The following SLCO6A1 variants were observed in gnomAD, a reference collection of about 807,000 sequenced individuals.
SLCO6A1 encodes the protein solute carrier organic anion transporter family member 6A1, also known as cancer/testis antigen 48.
SLCO6A1 carries 65 observed loss-of-function variants against 72.7 expected under a neutral mutation model. The ratio of observed to expected loss-of-function variants is 0.89; its 90% CI spans 0.73 to 1.10. The LOEUF is 1.10. Ranked by LOEUF, SLCO6A1 falls within the 50% of genes least tolerant of loss-of-function variation. The pLI, the probability that SLCO6A1 is intolerant of heterozygous loss-of-function variation, is 0.00. For synonymous variants in SLCO6A1, 314 were observed against 298.2 expected (o/e 1.05, Z -0.55); for missense variants, 874 against 872.6 (o/e 1.00, Z -0.02).
chr5:102,483,315 C>A (rs548102222), intron 1 of SLCO6A1, among the ~76,000 whole-genome samples: 1 of 152,204 alleles, frequency 6.6e-6, no homozygotes, highest in South Asian at 2.1e-4. Context: ...GCTCAATGTT[C>A]TTTCCACGGG....
chr5:102,403,076 A>G (rs760132457), intron 9 of SLCO6A1, among the ~76,000 whole-genome samples: 11 of 152,226 alleles, frequency 7.2e-5, no homozygotes, highest in Non-Finnish European at 1.2e-4. Context: ...TGAGAATATC[A>G]TAAGTGTTGG....
intron 8 of SLCO6A1, among the ~76,000 whole-genome samples, chr5:102,415,685 A>G (rs1355006569): frequency 6.6e-6 from 1 of 152,196 alleles, no homozygotes; most frequent in Non-Finnish European, 1.5e-5. Flanking sequence ...AAGCACCAGC[A>G]ACCAAACAAA....
At chr5:102,441,727 T>C (rs1176314634) in intron 6 of SLCO6A1, among the ~76,000 whole-genome samples, 1 of 152,092 alleles carries the variant, frequency 6.6e-6, no homozygotes, top group African/African-American at 2.4e-5. Flanking sequence ...TAATGTTGCA[T>C]AAAGTTTTAA....
At chr5:102,433,143 A>G (rs141255527) in intron 7 of SLCO6A1, among the ~76,000 whole-genome samples, 1 of 152,216 alleles carries the variant, frequency 6.6e-6, no homozygotes, top group East Asian at 1.9e-4. Flanking sequence ...TCTTTTCTAT[A>G]CTGGCTACTT....
chr5:102,386,730 GC>G (rs1746438727), intron 12 of SLCO6A1, among the ~76,000 whole-genome samples: 1 of 152,182 alleles, frequency 6.6e-6, no homozygotes, highest in South Asian at 2.1e-4. Context: ...GAAGTGCAGG[GC>G]TTTGGGACTC....
intron 8 of SLCO6A1, among the ~76,000 whole-genome samples, 165 bp from the exon 9 acceptor site, chr5:102,413,308 A>G (rs1272846529): frequency 6.6e-6 from 1 of 152,168 alleles, no homozygotes; most frequent in Non-Finnish European, 1.5e-5. Flanking sequence ...TACTTAGACT[A>G]AAATTTGAAG....
intron 9 of SLCO6A1, among the ~76,000 whole-genome samples, chr5:102,406,844 A>C (rs1747698098): frequency 1.3e-5 from 2 of 151,608 alleles, no homozygotes; most frequent in Admixed American, 6.6e-5. Flanking sequence ...ATAGAGGCTT[A>C]GTAACTGGAA....
chr5:102,469,205 A>C (rs1354444189), intron 4 of SLCO6A1, among the ~76,000 whole-genome samples: 2 of 151,900 alleles, frequency 1.3e-5, no homozygotes, highest in African/African-American at 4.8e-5. Context: ...GAAGCAAGTC[A>C]TTGGCAGCTT....
chr5:102,489,405 AAAAC>A lies in SLCO6A1; in HGVS notation c.359-8975_359-8972del, dbSNP rs960702112. On this transcript the variant is annotated intron_variant, in intron 1 of 13. Transcript: ENST00000506729. ...TAAGGAACTCAAACAATTCAATAGCAAAACAAACAAACAAACAAATAATCCAATT... is the reference window on the plus strand; with the variant it reads ...TAAGGAACTCAAACAATTCAATAGCAAAACAAACAAACAAATAATCCAATT... Among the ~76,000 whole-genome samples, 322 of 152,322 alleles carry A rather than the reference AAAAC, an allele frequency of 2.1e-3. 3 individuals carry two copies. The highest frequency in any genetic ancestry group is 7.3e-3 in the African/African-American group (302 of 41,578).
chr5:102,476,318 C>A (rs187585703), intron 3 of SLCO6A1, among the ~76,000 whole-genome samples: 52 of 152,138 alleles, frequency 3.4e-4, no homozygotes, highest in Non-Finnish European at 4.1e-4. Flanking sequence ...AATTATGAGG[C>A]CTAGCAAGTC....
chr5:102,424,684 C>G (rs1216202675), intron 7 of SLCO6A1, among the ~76,000 whole-genome samples: 2 of 152,148 alleles, frequency 1.3e-5, no homozygotes, highest in African/African-American at 4.8e-5. Flanking sequence ...CCAAATTCTA[C>G]AAGAGGTACA....
At position 102,498,877 on chromosome 5, in the gene SLCO6A1, C is replaced by A. The variant is rs766692967; in HGVS notation, c.-33G>T. The stretch of plus-strand genomic sequence containing the variant: ...CCTGGGCGGCTCCTGGCGACGCGGC[C>A]CGAGTGCTCTCGGCTGCCCGTCCTG... On this transcript the variant is annotated 5_prime_UTR_variant, in exon 1 of 14. Coordinates refer to ENST00000506729, the MANE Select transcript of SLCO6A1 (RefSeq NM_173488.5). The A allele has an allele frequency of 1.9e-6, 3 of 1,570,080 alleles. No individual in the cohort carries two copies. Among genetic ancestry groups the A allele is most frequent in the Admixed American group, 1.8e-5 (1 of 56,570 alleles).
chr5:102,478,665 C>T (rs1283795150), intron 2 of SLCO6A1, among the ~76,000 whole-genome samples: 3 of 152,072 alleles, frequency 2.0e-5, no homozygotes, highest in South Asian at 4.1e-4. Flanking sequence ...TAAGTAAATG[C>T]TTGTGTAATT....
At chr5:102,486,908 C>T (rs1017469901) in intron 1 of SLCO6A1, among the ~76,000 whole-genome samples, 1 of 152,088 alleles carries the variant, frequency 6.6e-6, no homozygotes, top group African/African-American at 2.4e-5. Context: ...ACTTCCAAAA[C>T]TTTTCTTTAA....
chr5:102,402,007 T>C (rs1488333984), intron 9 of SLCO6A1, among the ~76,000 whole-genome samples: 3 of 152,026 alleles, frequency 2.0e-5, no homozygotes, highest in Admixed American at 6.5e-5. Flanking sequence ...GAAGGGTTCA[T>C]GAACAGATTA....
intron 6 of SLCO6A1, among the ~76,000 whole-genome samples, chr5:102,443,828 A>G (rs920471528): frequency 6.6e-6 from 1 of 152,212 alleles, no homozygotes. Context: ...ACAAATAAAT[A>G]TACAAAGAGT....
intron 1 of SLCO6A1, among the ~76,000 whole-genome samples, chr5:102,487,418 T>C (rs1752492761): frequency 6.6e-6 from 1 of 152,098 alleles, no homozygotes; most frequent in Non-Finnish European, 1.5e-5. Flanking sequence ...AATAACAAAA[T>C]CATAAAATGA....
chr5:102,432,581 G>A (rs917833675), intron 7 of SLCO6A1, among the ~76,000 whole-genome samples: 2 of 152,148 alleles, frequency 1.3e-5, no homozygotes, highest in East Asian at 1.9e-4. Context: ...CTGGCTTGTA[G>A]GGTTTCTGCT....
At chr5:102,395,582 T>C (rs1325773587) in intron 10 of SLCO6A1, among the ~76,000 whole-genome samples, 2 of 152,114 alleles carry the variant, frequency 1.3e-5, no homozygotes, top group African/African-American at 4.8e-5. Context: ...GGTCAAATGG[T>C]ATTTCTAGTT....
Sources: allele counts gnomAD v4.1 joint callset (sites outside exome capture counted in the v4.1 genomes callset), GRCh38; gene constraint gnomAD v4.1.1; transcripts MANE v1.5; gene names NCBI Gene and HGNC (gene_info 2026-07-23, HGNC 2026-07-21).